Variants in AFF1 observed in about 807,000 individuals in gnomAD.
AFF1 encodes AF4/FMR2 family member 1.
AFF1 carries 48 observed loss-of-function variants against 121.7 expected under a neutral mutation model. The ratio of observed to expected loss-of-function variants is 0.39; its 90% CI spans 0.31 to 0.50. AFF1 has a LOEUF of 0.50. AFF1 is among the 20% of genes least tolerant of loss of function. AFF1 has a pLI of 0.76. For missense variants in AFF1, 1,523 were observed against 1,511.7 expected (o/e 1.01, Z -0.12); for synonymous variants, 613 against 563.0 (o/e 1.09, Z -1.26).
chr4:87,068,036 AGT>A (rs1271371722), intron 4 of AFF1, among the ~76,000 whole-genome samples: 3 of 151,278 alleles, frequency 2.0e-5, no homozygotes, highest in Non-Finnish European at 2.9e-5. Flanking sequence ...AATATTAACA[AGT>A]AACCTCAGTA....
intron 2 of AFF1, among the ~76,000 whole-genome samples, chr4:87,030,401 C>T (rs1170302286): frequency 1.3e-5 from 2 of 152,206 alleles, no homozygotes; most frequent in Non-Finnish European, 2.9e-5. Flanking sequence ...CATAGTTTGC[C>T]AATCCCTGGA....
intron 2 of AFF1, among the ~76,000 whole-genome samples, chr4:87,009,483 G>A (rs1216733541): frequency 6.6e-6 from 1 of 152,176 alleles, no homozygotes; most frequent in Non-Finnish European, 1.5e-5. Flanking sequence ...AATTAAAATA[G>A]GAGAATTGTG....
chr4:87,026,221 GTAAA>G (rs911731360), intron 2 of AFF1, among the ~76,000 whole-genome samples: 3 of 152,104 alleles, frequency 2.0e-5, no homozygotes, highest in South Asian at 4.1e-4. Context: ...AAATAAATAG[GTAAA>G]TAAATAAAAT....
At chr4:87,065,617 G>A (rs1233082425) in intron 4 of AFF1, among the ~76,000 whole-genome samples, 1 of 152,134 alleles carries the variant, frequency 6.6e-6, no homozygotes, top group Non-Finnish European at 1.5e-5. Flanking sequence ...CCGAAGTTTG[G>A]GAAAAACTGT....
intron 2 of AFF1, among the ~76,000 whole-genome samples, chr4:87,040,054 G>T (rs1472202044): frequency 6.6e-6 from 1 of 152,140 alleles, no homozygotes; most frequent in Non-Finnish European, 1.5e-5. Flanking sequence ...ACTACGCCCG[G>T]TTAATTTTTG....
chr4:87,103,103 G>A (rs1731920779), intron 8 of AFF1, among the ~76,000 whole-genome samples: 1 of 152,062 alleles, frequency 6.6e-6, no homozygotes, highest in African/African-American at 2.4e-5. Context: ...TTCTATATTA[G>A]CATAACTTAG....
At chr4:87,046,599 T>C in intron 3 of AFF1, 96 bp from the exon 4 acceptor site, 1 of 1,297,864 alleles carries the variant, frequency 7.7e-7, no homozygotes, top group Non-Finnish European at 1.1e-6. Context: ...TACATTAAGT[T>C]CGGAGTTTTT....
intron 6 of AFF1, 112 bp from the exon 7 acceptor site, chr4:87,091,681 T>C (rs968592968): frequency 1.4e-5 from 10 of 700,518 alleles, no homozygotes; most frequent in Middle Eastern, 4.0e-4. Context: ...TTTTTCTAGA[T>C]ATTTGAAAGT....
Position 87,135,795 on chromosome 4 carries a change from ACT to A in AFF1, c.*97_*98del. 4 of 1,420,012 alleles carry A rather than the reference ACT, an allele frequency of 2.8e-6. No individual in the cohort carries two copies. The highest frequency in any genetic ancestry group is 3.7e-6 in the Non-Finnish European group (4 of 1,077,442). The allele number at this position is 1,420,012 out of a possible 1,614,324, so 88.0% of individuals were successfully genotyped here. Reference sequence around the variant, plus strand: ...GACATTTGTTTCATCAGGACACCAAACTCTAAAAAAGAAGCACCACGAGATGG... The same window carrying A: ...GACATTTGTTTCATCAGGACACCAAACTAAAAAAGAAGCACCACGAGATGG... On this transcript the variant is annotated 3_prime_UTR_variant, in exon 21 of 21. Transcript: ENST00000395146.
At chr4:86,995,232 C>CA (rs869272938) in intron 2 of AFF1, among the ~76,000 whole-genome samples, 4 of 149,544 alleles carry the variant, frequency 2.7e-5, no homozygotes, top group African/African-American at 5.1e-5. Context: ...GACCTTTTCT[C>CA]AAAAAACAAA....
intron 2 of AFF1, among the ~76,000 whole-genome samples, chr4:86,972,316 G>A (rs142600459): frequency 1.3e-5 from 2 of 152,070 alleles, no homozygotes; most frequent in East Asian, 3.9e-4. Flanking sequence ...GAGGAAGGCA[G>A]TGGGAAAAGT....
intron 8 of AFF1, among the ~76,000 whole-genome samples, chr4:87,101,225 C>T (rs1450636381): frequency 6.6e-6 from 1 of 152,112 alleles, no homozygotes; most frequent in Admixed American, 6.5e-5. Flanking sequence ...TTAGAATGCA[C>T]GGGCAGTCCT....
chr4:86,969,845 A>G (rs905545639), intron 2 of AFF1, among the ~76,000 whole-genome samples: 1 of 131,936 alleles, frequency 7.6e-6, no homozygotes, highest in Non-Finnish European at 1.6e-5. Context: ...GCACCACTGC[A>G]CTCTGGCCTG....
At chr4:87,032,502 C>T (rs1032894437) in intron 2 of AFF1, among the ~76,000 whole-genome samples, 4 of 152,322 alleles carry the variant, frequency 2.6e-5, no homozygotes, top group Middle Eastern at 3.4e-3. Context: ...ACTTATTCCT[C>T]CTTTTTTTGT....
chr4:87,076,350 T>G (rs1722671372), intron 4 of AFF1, among the ~76,000 whole-genome samples: 1 of 152,224 alleles, frequency 6.6e-6, no homozygotes, highest in African/African-American at 2.4e-5. Flanking sequence ...TTAGCCTCAT[T>G]TGTGTTAGTC....
intron 2 of AFF1, among the ~76,000 whole-genome samples, chr4:87,041,032 C>T (rs1219406262): frequency 2.0e-5 from 3 of 151,914 alleles, no homozygotes; most frequent in South Asian, 2.1e-4. Context: ...TGCGCCACCA[C>T]GCCCAGCTAA....
At chr4:87,084,872 G>T (rs1268202125) in intron 5 of AFF1, among the ~76,000 whole-genome samples, 1 of 152,208 alleles carries the variant, frequency 6.6e-6, no homozygotes, top group South Asian at 2.1e-4. Context: ...CTGTATTGAT[G>T]TGTGGGAGGC....
At chr4:86,943,908 C>T (rs1467953725) in intron 1 of AFF1, among the ~76,000 whole-genome samples, 1 of 151,764 alleles carries the variant, frequency 6.6e-6, no homozygotes, top group Non-Finnish European at 1.5e-5. Context: ...TTGTGGTGAG[C>T]CAGGATCCTG....
chr4:86,980,521 A>G (rs1723652576), intron 2 of AFF1, among the ~76,000 whole-genome samples: 1 of 152,174 alleles, frequency 6.6e-6, no homozygotes, highest in South Asian at 2.1e-4. Flanking sequence ...CCCATTTGGG[A>G]TTTCAACACA....
Sources: gnomAD v4.1 joint callset for allele counts (sites outside exome capture counted in the v4.1 genomes callset) on GRCh38, gnomAD v4.1.1 for gene constraint, MANE v1.5 for transcripts, NCBI Gene and HGNC (gene_info 2026-07-23, HGNC 2026-07-21) for gene names.